DDX10: variants seen among roughly 807,000 people sequenced by gnomAD.
The protein encoded by DDX10 is DEAD-box helicase 10.
In DDX10, 74 loss-of-function variants were observed where a neutral mutation model predicts 104.3. The observed-to-expected ratio is 0.71, with a 90% CI of 0.59 to 0.86. The LOEUF (loss-of-function observed/expected upper bound fraction) is 0.86, where lower values mean the gene tolerates loss of function less well. Among genes scored for constraint, DDX10 ranks in the 40% least tolerant of loss-of-function variants. The pLI, the probability that DDX10 is intolerant of heterozygous loss-of-function variation, is 0.00. For missense variants in DDX10, 952 were observed against 1,040.0 expected, an observed-to-expected ratio of 0.92 and a Z score of 1.16; for synonymous variants, 351 against 353.4, an observed-to-expected ratio of 0.99 and a Z score of 0.08.
intron 16 of DDX10, among the ~76,000 whole-genome samples, chr11:108,883,582 A>C (rs1050409901): frequency 1.3e-5 from 2 of 152,120 alleles, no homozygotes; most frequent in African/African-American, 4.8e-5. Context: ...TAGAGTCTGC[A>C]TTCATCCTCA....
At chr11:108,711,622 T>C (rs11605243) in intron 10 of DDX10, among the ~76,000 whole-genome samples, 18,776 of 152,284 alleles carry the variant, frequency 0.12, 1,577 homozygotes, top group East Asian at 0.27. Context: ...TGTGAGCCAT[T>C]GTGCCTGGCC....
intron 16 of DDX10, among the ~76,000 whole-genome samples, chr11:108,894,980 T>C (rs1462546930): frequency 6.6e-6 from 1 of 152,032 alleles, no homozygotes. Context: ...AGTTGGCATT[T>C]GCTCTGTTCT....
chr11:108,827,973 A>G (rs1472728810), intron 13 of DDX10, among the ~76,000 whole-genome samples: 1 of 152,184 alleles, frequency 6.6e-6, no homozygotes, highest in Non-Finnish European at 1.5e-5. Flanking sequence ...TGTGCAGTTC[A>G]GTAGTGTTAA....
Position 108,678,316 on chromosome 11 carries a change from A to G in DDX10, c.539A>G (p.Asp180Gly), listed in dbSNP as rs1395319007. 6.2e-7 allele frequency: 1 copy of G among 1,607,732 alleles called. No homozygotes were observed. The highest frequency in any genetic ancestry group is 1.3e-5 in the African/African-American group (1 of 74,710). ...FSAGLIIGGK[D>G]LKHEAERINN... is the part of the protein sequence containing the mutation. ...ATCAAAATAAATAACTGTTTTCAGG[A>G]TCTAAAACACGAAGCTGAGAGGATC... is the stretch of plus-strand genomic sequence containing the variant. Residue 180 changes from aspartate to glycine, a missense_variant and splice_region_variant, in exon 5 of 18, where the codon GAT becomes GGT. By Grantham distance (94) the Asp-to-Gly change is moderately conservative (BLOSUM62 -1). Around this residue, in one of 3 missense-constraint regions of DDX10, gnomAD observed 412 missense variants for 479.2 expected, o/e 0.86. Coordinates refer to ENST00000322536, the MANE Select transcript of DDX10 (RefSeq NM_004398.4).
At chr11:108,821,605 G>A (rs1259765205) in intron 13 of DDX10, among the ~76,000 whole-genome samples, 1 of 152,140 alleles carries the variant, frequency 6.6e-6, no homozygotes, top group Non-Finnish European at 1.5e-5. Context: ...TTGTAAAGCA[G>A]TGCAGAGCAT....
At chr11:108,936,350 AG>A (rs1864037467) in intron 17 of DDX10, among the ~76,000 whole-genome samples, 1 of 152,210 alleles carries the variant, frequency 6.6e-6, no homozygotes, top group Admixed American at 6.5e-5. Context: ...TTATTTTTAT[AG>A]CAGTAGTAGG....
chr11:108,704,810 C>T (rs367978044), intron 9 of DDX10, among the ~76,000 whole-genome samples: 3 of 152,176 alleles, frequency 2.0e-5, no homozygotes, highest in Non-Finnish European at 2.9e-5. Flanking sequence ...CTCCCTCTGT[C>T]CCCTGTCTGT....
intron 9 of DDX10, among the ~76,000 whole-genome samples, chr11:108,701,949 G>A (rs554871907): frequency 2.0e-5 from 3 of 152,252 alleles, no homozygotes; most frequent in Admixed American, 6.5e-5. Flanking sequence ...ATCCCAAAGT[G>A]CTGGGGTTAC....
chr11:108,884,886 C>A (rs1717898208), intron 16 of DDX10, among the ~76,000 whole-genome samples: 1 of 152,168 alleles, frequency 6.6e-6, no homozygotes, highest in East Asian at 1.9e-4. Flanking sequence ...TTCTCAACTT[C>A]TACACACGAA....
At chr11:108,722,167 C>A (rs921810384) in intron 12 of DDX10, among the ~76,000 whole-genome samples, 1 of 152,176 alleles carries the variant, frequency 6.6e-6, no homozygotes, top group Non-Finnish European at 1.5e-5. Flanking sequence ...CCCCAGCAGT[C>A]TTATTTCTGA....
chr11:108,902,364 A>G (rs896722844), intron 16 of DDX10, among the ~76,000 whole-genome samples: 1 of 152,224 alleles, frequency 6.6e-6, no homozygotes, highest in African/African-American at 2.4e-5. Context: ...TCCTGAGCTA[A>G]CATACCTTTG....
intron 13 of DDX10, among the ~76,000 whole-genome samples, chr11:108,772,099 G>GT (rs1451665857): frequency 3.3e-5 from 5 of 152,176 alleles, no homozygotes; most frequent in African/African-American, 1.2e-4. Context: ...TTTCCTCAAG[G>GT]TAACTATTAA....
intron 13 of DDX10, among the ~76,000 whole-genome samples, chr11:108,767,061 G>T (rs2726888): frequency 0.14 from 21,296 of 152,072 alleles, 1,772 homozygotes; most frequent in East Asian, 0.27. Context: ...CTCTTATATT[G>T]GAGAGTCAAA....
chr11:108,921,052 C>G (rs1863818585), intron 17 of DDX10: 1 of 152,200 alleles, frequency 6.6e-6, no homozygotes, highest in Admixed American at 6.5e-5. Context: ...TCAGCACAGT[C>G]TCTGTCAATC....
intron 13 of DDX10, among the ~76,000 whole-genome samples, chr11:108,802,890 C>A (rs1389732451): frequency 6.6e-6 from 1 of 152,214 alleles, no homozygotes; most frequent in Non-Finnish European, 1.5e-5. Context: ...ATCCCCTAGA[C>A]TTGGGTGTAG....
At chr11:108,786,901 T>G (rs1368207880) in intron 13 of DDX10, among the ~76,000 whole-genome samples, 1 of 152,202 alleles carries the variant, frequency 6.6e-6, no homozygotes, top group African/African-American at 2.4e-5. Flanking sequence ...GTTGGCTGTT[T>G]GCTTTGTAGA....
At chr11:108,713,538 T>G (rs2094287358) in intron 10 of DDX10, among the ~76,000 whole-genome samples, 1 of 152,188 alleles carries the variant, frequency 6.6e-6, no homozygotes, top group Admixed American at 6.5e-5. Context: ...TCTTATTATG[T>G]TGCTCATCTG....
At chr11:108,826,271 C>G (rs1459960320) in intron 13 of DDX10, among the ~76,000 whole-genome samples, 3 of 152,054 alleles carry the variant, frequency 2.0e-5, no homozygotes, top group Non-Finnish European at 4.4e-5. Context: ...AACTAAGGGA[C>G]TGTTCACAAA....
chr11:108,678,461 A>G, intron 5 of DDX10, 26 bp downstream of exon 5: 1 of 1,389,292 alleles, frequency 7.2e-7, no homozygotes. Context: ...TTCTAATTTA[A>G]AAAAAAAAAA....
Sources: gnomAD v4.1 joint callset for allele counts (sites outside exome capture counted in the v4.1 genomes callset) on GRCh38, gnomAD v4.1.1 for gene constraint, gnomAD v4.1.1 regional missense constraint, MANE v1.5 for transcripts, NCBI Gene and HGNC (gene_info 2026-07-23, HGNC 2026-07-21) for gene names.